Variants in PLD5 observed in about 807,000 individuals in gnomAD.
PLD5 encodes inactive phospholipase D5.
In PLD5, 36 loss-of-function variants were observed where a neutral mutation model predicts 61.1. The observed-to-expected ratio is 0.59, with a 90% CI of 0.45 to 0.78. PLD5 has a LOEUF of 0.78. Ranked by LOEUF, PLD5 falls within the 30% of genes least tolerant of loss-of-function variation. The probability of loss-of-function intolerance (pLI) is 0.00; values close to 1 mark genes in which losing one functional copy is unlikely to be tolerated. For synonymous variants in PLD5, 243 were observed against 242.8 expected (o/e 1.00, Z -0.01); for missense variants, 515 against 644.4 (o/e 0.80, Z 2.17).
intron 5 of PLD5, among the ~76,000 whole-genome samples, chr1:242,132,097 C>T (rs1299508882): frequency 6.7e-6 from 1 of 149,400 alleles, no homozygotes; most frequent in Non-Finnish European, 1.5e-5. Context: ...TCCTAAAGTG[C>T]TGTGATTACA....
intron 5 of PLD5, among the ~76,000 whole-genome samples, chr1:242,131,056 A>C (rs532668930): frequency 1.2e-3 from 185 of 152,300 alleles, no homozygotes; most frequent in Non-Finnish European, 2.3e-3. Context: ...CTGTAATCCC[A>C]GCACTTTGGG....
intron 5 of PLD5, among the ~76,000 whole-genome samples, chr1:242,171,688 G>C (rs2196416): frequency 6.6e-6 from 1 of 150,602 alleles, no homozygotes; most frequent in African/African-American, 2.4e-5. Context: ...AATAAAGAGA[G>C]GGAGGAATAT....
chr1:242,465,657 A>G (rs10754765), intron 1 of PLD5, among the ~76,000 whole-genome samples: 104,911 of 152,224 alleles, frequency 0.69, 36,907 homozygotes, highest in African/African-American at 0.83. Context: ...GGCCGGGCAC[A>G]GTGGCCTACG....
intron 1 of PLD5, among the ~76,000 whole-genome samples, chr1:242,494,525 T>C (rs944928291): frequency 2.6e-5 from 4 of 152,166 alleles, no homozygotes; most frequent in Non-Finnish European, 5.9e-5. Context: ...GTGTACCTCC[T>C]GGAGCACACA....
intron 5 of PLD5, among the ~76,000 whole-genome samples, chr1:242,165,150 G>T (rs993365222): frequency 1.5e-4 from 22 of 151,536 alleles, no homozygotes; most frequent in Admixed American, 4.6e-4. Context: ...TCTTTTCTGA[G>T]AGGGAGCAAG....
intron 1 of PLD5, among the ~76,000 whole-genome samples, chr1:242,369,952 G>C (rs1661542185): frequency 6.6e-6 from 1 of 152,170 alleles, no homozygotes; most frequent in Non-Finnish European, 1.5e-5. Context: ...CGAACACAGA[G>C]AATACCCAGA....
intron 2 of PLD5, among the ~76,000 whole-genome samples, chr1:242,326,549 C>T (rs1658796293): frequency 6.6e-6 from 1 of 152,084 alleles, no homozygotes; most frequent in African/African-American, 2.4e-5. Context: ...TTAAATCCTC[C>T]CCCATCCCTC....
chr1:242,136,853 A>G (rs1000505603), intron 5 of PLD5, among the ~76,000 whole-genome samples: 1 of 152,218 alleles, frequency 6.6e-6, no homozygotes, highest in South Asian at 2.1e-4. Flanking sequence ...TAATGGAAGG[A>G]AGTCATCTTA....
At chr1:242,374,117 C>T (rs1406906622) in intron 1 of PLD5, among the ~76,000 whole-genome samples, 1 of 152,110 alleles carries the variant, frequency 6.6e-6, no homozygotes, top group African/African-American at 2.4e-5. Flanking sequence ...GAGTTGCTGT[C>T]AGGCTGTGCA....
intron 5 of PLD5, among the ~76,000 whole-genome samples, chr1:242,124,877 C>T (rs919263035): frequency 1.2e-4 from 19 of 152,058 alleles, no homozygotes; most frequent in African/African-American, 4.1e-4. Context: ...TGTATTAGGT[C>T]TCTAATTTTC....
chr1:242,424,756 C>T (rs1486181907), intron 1 of PLD5, among the ~76,000 whole-genome samples: 5 of 152,142 alleles, frequency 3.3e-5, no homozygotes, highest in Non-Finnish European at 7.3e-5. Flanking sequence ...TACAGCAGCT[C>T]ACAGACAGCT....
chr1:242,093,609 C>T (rs1056496892), intron 9 of PLD5, among the ~76,000 whole-genome samples: 1 of 151,980 alleles, frequency 6.6e-6, no homozygotes, highest in Non-Finnish European at 1.5e-5. Flanking sequence ...CAGGTCTGAC[C>T]CCGGGGTCCA....
chr1:242,321,678 G>T (rs1427491377), intron 2 of PLD5, among the ~76,000 whole-genome samples: 2 of 151,958 alleles, frequency 1.3e-5, no homozygotes, highest in Admixed American at 6.6e-5. Flanking sequence ...AACCTGTTCT[G>T]CCATCATTAC....
intron 4 of PLD5, among the ~76,000 whole-genome samples, chr1:242,230,548 A>C (rs988103564): frequency 1.1e-4 from 17 of 152,190 alleles, no homozygotes; most frequent in Admixed American, 6.6e-4. Flanking sequence ...ATTAACCAGT[A>C]CAGTTCAATC....
At chr1:242,241,885 A>ATATATATATATACTTACTG (rs1553334384) in intron 4 of PLD5, among the ~76,000 whole-genome samples, 1 of 33,154 alleles carries the variant, frequency 3.0e-5, no homozygotes, top group African/African-American at 1.1e-4. Flanking sequence ...ATATATATAT[A>ATATATATATATACTTACTG]TATATATATA....
chr1:242,270,135 A>G (rs1012037852), intron 3 of PLD5, among the ~76,000 whole-genome samples: 1 of 151,224 alleles, frequency 6.6e-6, no homozygotes, highest in Non-Finnish European at 1.5e-5. Flanking sequence ...CTGGCTTTCA[A>G]GCTTGTTTTA....
At chr1:242,163,098 G>GAA (rs1444151051) in intron 5 of PLD5, among the ~76,000 whole-genome samples, 3 of 151,138 alleles carry the variant, frequency 2.0e-5, no homozygotes, top group Non-Finnish European at 4.4e-5. Flanking sequence ...TGTCTGTGAA[G>GAA]AAAAAGAGGG....
At position 242,159,439 on chromosome 1, in the gene PLD5, T is replaced by C. The variant is rs894985453; in HGVS notation, c.736-34774A>G. Reference sequence around the variant, plus strand: ...CTGCACCTCAATGGTGGTCTAGTAATGTGTTTGCTCCTTTTCTGGCAAGAA... The same window carrying C: ...CTGCACCTCAATGGTGGTCTAGTAACGTGTTTGCTCCTTTTCTGGCAAGAA... On this transcript the variant is annotated intron_variant, in intron 5 of 9. Coordinates refer to ENST00000536534, the MANE Select transcript of PLD5 (RefSeq NM_001372062.1). Among the ~76,000 whole-genome samples, 11 of 152,174 alleles carry C rather than the reference T, an allele frequency of 7.2e-5. 1 individual carries two copies. Among genetic ancestry groups the C allele is most frequent in the African/African-American group, 2.7e-4 (11 of 41,420 alleles).
intron 1 of PLD5, among the ~76,000 whole-genome samples, chr1:242,396,924 C>T (rs566576586): frequency 2.6e-4 from 39 of 152,056 alleles, no homozygotes; most frequent in Middle Eastern, 6.8e-3. Flanking sequence ...GTGATCCGCC[C>T]GCCTCAGCCT....
Sources: allele counts gnomAD v4.1 joint callset (sites outside exome capture counted in the v4.1 genomes callset), GRCh38; gene constraint gnomAD v4.1.1; transcripts MANE v1.5; gene names NCBI Gene and HGNC (gene_info 2026-07-23, HGNC 2026-07-21).